The following RIMKLB variants were observed in gnomAD, a reference collection of about 807,000 sequenced individuals.
RIMKLB encodes ribosomal modification protein rimK like family member B, also known as beta-citrylglutamate synthase B.
Under a neutral mutation model 32.0 loss-of-function variants are expected in RIMKLB, and 7 were observed. The observed-to-expected ratio is 0.22, with a 90% CI of 0.12 to 0.41. RIMKLB has a LOEUF of 0.41. Among genes scored for constraint, RIMKLB ranks in the 10% least tolerant of loss-of-function variants. The probability of loss-of-function intolerance (pLI) is 1.00; values close to 1 mark genes in which losing one functional copy is unlikely to be tolerated. For missense variants in RIMKLB, 289 were observed against 498.7 expected, an observed-to-expected ratio of 0.58 and a Z score of 4.00; for synonymous variants, 172 against 185.1, an observed-to-expected ratio of 0.93 and a Z score of 0.57.
intron 2 of RIMKLB, among the ~76,000 whole-genome samples, chr12:8,736,517 C>CTTTTTTT (rs1157484475): frequency 5.8e-4 from 74 of 126,732 alleles, no homozygotes; most frequent in African/African-American, 2.1e-3. Context: ...CATGTATTTC[C>CTTTTTTT]TTTTTTTTTT....
rs1950722951 is a variant in RIMKLB at position 8,776,295 on chromosome 12, G to A, written c.*2511G>A. Reference sequence around the variant, plus strand: ...CTCACATGTTAGAATGAAAAGAGCAGTAGTTATCTTAGATTTTAAAAACAT... The same window carrying A: ...CTCACATGTTAGAATGAAAAGAGCAATAGTTATCTTAGATTTTAAAAACAT... On this transcript the variant is annotated 3_prime_UTR_variant, in exon 6 of 6. Coordinates refer to ENST00000535829, the MANE Select transcript of RIMKLB (RefSeq NM_001297776.2). 1 of 974,864 alleles carries A rather than the reference G, an allele frequency of 1.0e-6. No homozygotes were observed. The highest frequency in any genetic ancestry group is 4.7e-5 in the South Asian group (1 of 21,074). The allele number at this position is 974,864 out of a possible 1,614,324, so 60.4% of individuals were successfully genotyped here.
chr12:8,711,158 C>T (rs1160754130), intron 1 of RIMKLB, among the ~76,000 whole-genome samples: 1 of 151,842 alleles, frequency 6.6e-6, no homozygotes, highest in African/African-American at 2.4e-5. Context: ...TGCTTGAACC[C>T]AGGAGACAGA....
chr12:8,704,407 A>G (rs1225981046), intron 1 of RIMKLB, among the ~76,000 whole-genome samples: 3 of 152,086 alleles, frequency 2.0e-5, no homozygotes, highest in Admixed American at 1.3e-4. Flanking sequence ...TTGATTTGGT[A>G]AGGAAAATGG....
Position 8,756,000 on chromosome 12 carries a change from A to T in RIMKLB, c.697+1907A>T, listed in dbSNP as rs1478850472. Among the ~76,000 whole-genome samples, 28 of 151,984 alleles carry T rather than the reference A, an allele frequency of 1.8e-4. 1 individual carries two copies. Among genetic ancestry groups the T allele is most frequent in the Admixed American group, 1.8e-3 (28 of 15,258 alleles). Reference sequence around the variant, plus strand: ...GAAACCCCATCTCTACTAAAAATATAAAGTTGGCCAGGTGCAGTGGCACAT... The same window carrying T: ...GAAACCCCATCTCTACTAAAAATATTAAGTTGGCCAGGTGCAGTGGCACAT... On this transcript the variant is annotated intron_variant, in intron 5 of 5. Coordinates refer to ENST00000535829, the MANE Select transcript of RIMKLB (RefSeq NM_001297776.2).
At chr12:8,688,700 TA>T (rs145112158) in intron 1 of RIMKLB, among the ~76,000 whole-genome samples, 1 of 152,030 alleles carries the variant, frequency 6.6e-6, no homozygotes, top group Non-Finnish European at 1.5e-5. Context: ...TTTATATAAT[TA>T]AAAAAACTTG....
intron 5 of RIMKLB, among the ~76,000 whole-genome samples, chr12:8,763,856 A>G (rs1312485129): frequency 2.0e-5 from 3 of 152,172 alleles, no homozygotes; most frequent in Non-Finnish European, 4.4e-5. Context: ...AAAACAGTCC[A>G]GGTGAGTTGA....
intron 5 of RIMKLB, among the ~76,000 whole-genome samples, chr12:8,764,839 C>T (rs1363982296): frequency 1.3e-5 from 2 of 151,758 alleles, no homozygotes; most frequent in African/African-American, 4.8e-5. Context: ...CCTTGTAGAC[C>T]ACACTGGAAG....
rs77859334 is a variant in RIMKLB at position 8,711,982 on chromosome 12, T to C, written c.-56-1829T>C. On this transcript the variant is annotated intron_variant, in intron 1 of 5. Transcript: ENST00000535829. ...TGACAGTGCAGGTTTGCACTGTACC[T>C]TTCCCATACTGTGGTTAAAATGGAA... Among the ~76,000 whole-genome samples the C allele has an allele frequency of 4.8e-3, 733 of 152,292 alleles. 33 individuals carry two copies. Among genetic ancestry groups the C allele is most frequent in the Admixed American group, 0.043 (651 of 15,292 alleles).
At chr12:8,768,503 C>T (rs2138179542) in intron 5 of RIMKLB, among the ~76,000 whole-genome samples, 1 of 152,208 alleles carries the variant, frequency 6.6e-6, no homozygotes, top group African/African-American at 2.4e-5. Context: ...TAAGATTGGC[C>T]AATATTATTA....
upstream of RIMKLB, among the ~76,000 whole-genome samples, chr12:8,696,059 A>T (rs1172672630): frequency 6.6e-6 from 1 of 152,186 alleles, no homozygotes; most frequent in Non-Finnish European, 1.5e-5. Context: ...CCTCAGTTTC[A>T]CCAGTACAAC....
chr12:8,773,492 C>T lies in RIMKLB; in HGVS notation c.869C>T (p.Ala290Val). The T allele has an allele frequency of 6.2e-7, 1 of 1,614,218 alleles. No individual in the cohort carries two copies. The highest frequency in any genetic ancestry group is 8.5e-7 in the Non-Finnish European group (1 of 1,180,032). Residue 290 changes from alanine to valine, a missense_variant, in exon 6 of 6, where the codon GCT (alanine) becomes GTT (valine). Physicochemically the swap from Ala to Val is moderately conservative, Grantham distance 64 (BLOSUM62 0). Transcript: ENST00000535829. Reference protein sequence around the residue: ...ANVGFIAFDKACNLDVAGIIA... With the variant: ...ANVGFIAFDKVCNLDVAGIIA... ...GTAGGTTTCATCGCCTTTGATAAGG[C>T]TTGTAATCTAGATGTAGCTGGTATC...
the RIMKLB span, among the ~76,000 whole-genome samples, chr12:8,669,444 T>C: frequency 6.6e-6 from 1 of 152,084 alleles, no homozygotes; most frequent in Non-Finnish European, 1.5e-5. Flanking sequence ...ATAATAATTA[T>C]ACAATATAGT....
chr12:8,745,090 C>A (rs1269930754), intron 2 of RIMKLB, among the ~76,000 whole-genome samples: 1 of 151,906 alleles, frequency 6.6e-6, no homozygotes, highest in East Asian at 1.9e-4. Flanking sequence ...TGAGAACATG[C>A]AGTGTTTGGT....
At chr12:8,715,912 T>A (rs1944787557) in intron 2 of RIMKLB, among the ~76,000 whole-genome samples, 1 of 152,232 alleles carries the variant, frequency 6.6e-6, no homozygotes, top group East Asian at 1.9e-4. Flanking sequence ...AACTCAATAT[T>A]TGTGACATGC....
In RIMKLB at chr12:8,682,816, A is replaced by AG. The variant is rs1019494316; in HGVS notation, n.219+998_219+999insG. On this transcript the variant is annotated intron_variant and non_coding_transcript_variant, in intron 1 of 1. Transcript: ENST00000538758. ...AAATAAATAAATTAAAAAAAAAAAA[A>AG]AAAAGAAACGAGGTTTCTCCATGTT... Among the ~76,000 whole-genome samples the AG allele has an allele frequency of 4.7e-5, 7 of 149,618 alleles. No homozygotes were observed. In the East Asian group the frequency reaches 9.7e-4, roughly 21 times the overall value.
At chr12:8,763,992 A>G (rs990425035) in intron 5 of RIMKLB, among the ~76,000 whole-genome samples, 1 of 152,222 alleles carries the variant, frequency 6.6e-6, no homozygotes, top group Admixed American at 6.5e-5. Context: ...TTAGGAAAGC[A>G]GAGTATAAGG....
At chr12:8,710,309 T>TTC (rs1438687127) in intron 1 of RIMKLB, among the ~76,000 whole-genome samples, 1 of 121,180 alleles carries the variant, frequency 8.3e-6, no homozygotes, top group African/African-American at 4.9e-5. Context: ...GTTTCCTTCT[T>TTC]TTTTTTTTTT....
chr12:8,780,767 T>G (rs1181962982), downstream of RIMKLB: 1 of 152,228 alleles, frequency 6.6e-6, no homozygotes, highest in Non-Finnish European at 1.5e-5. Flanking sequence ...AAGAATGTGT[T>G]TTTAGTCTGA....
At position 8,775,758 on chromosome 12, in the gene RIMKLB, C is replaced by T. The variant is rs1741708028; in HGVS notation, c.*1974C>T. The T allele has an allele frequency of 3.0e-6, 3 of 985,090 alleles. No individual in the cohort carries two copies. Among genetic ancestry groups the T allele is most frequent in the Non-Finnish European group, 2.4e-6 (2 of 829,512 alleles). 61.0% of individuals were successfully genotyped at this position (985,090 alleles called of 1,614,324 possible). ...TTGATTGTTGATGAATAGAATAGTACCTCTCATCTGTGCAGTGTCTCATTT... is the reference window on the plus strand; with the variant it reads ...TTGATTGTTGATGAATAGAATAGTATCTCTCATCTGTGCAGTGTCTCATTT... On this transcript the variant is annotated 3_prime_UTR_variant, in exon 6 of 6. Transcript: ENST00000535829.
Sources: gnomAD v4.1 joint callset for allele counts (sites outside exome capture counted in the v4.1 genomes callset) on GRCh38, gnomAD v4.1.1 for gene constraint, MANE v1.5 for transcripts, NCBI Gene and HGNC (gene_info 2026-07-23, HGNC 2026-07-21) for gene names.